KRT6A: variants seen among roughly 807,000 people sequenced by gnomAD.
The protein encoded by KRT6A is keratin 6A.
KRT6A carries 28 observed loss-of-function variants against 48.6 expected under a neutral mutation model. The ratio of observed to expected loss-of-function variants is 0.58; its 90% confidence interval spans 0.43 to 0.79. The LOEUF (loss-of-function observed/expected upper bound fraction) is 0.79. Among genes scored for constraint, KRT6A ranks in the 30% least tolerant of loss-of-function variants. KRT6A has a pLI of 0.00. For missense variants in KRT6A, 687 were observed against 724.3 expected, an observed-to-expected ratio of 0.95 and a Z score of 0.59; for synonymous variants, 301 against 294.2, an observed-to-expected ratio of 1.02 and a Z score of -0.24.
rs1938282360 is a variant in KRT6A, at chr12:52,492,290, AT to A, written c.540+358del. On this transcript the variant is annotated intron_variant, in intron 1 of 8. Transcript: ENST00000330722. ...AAATATCCTTTCTTTTGTTTCCAAT[AT>A]TTTTTCCTCTTATCCAGACCCCAGA... Among the ~76,000 whole-genome samples the A allele has an allele frequency of 2.0e-5, 3 of 151,384 alleles. No individual in the cohort carries two copies. In the South Asian group the frequency reaches 6.3e-4, roughly 32 times the overall value.
At position 52,488,611 on chromosome 12, in the gene KRT6A, C is replaced by T. The variant is rs1938195722; in HGVS notation, c.1204-63G>A. 6.7e-6 allele frequency: 10 copies of T among 1,493,872 alleles called. No individual in the cohort carries two copies. The African/African-American group carries it at 6.8e-5, about 10-fold the overall frequency. The allele number at this position is 1,493,872 out of a possible 1,614,324, so 92.5% of individuals were successfully genotyped here. On this transcript the variant is annotated intron_variant, in intron 6 of 8. Coordinates refer to ENST00000330722, the MANE Select transcript of KRT6A (RefSeq NM_005554.4). The stretch of plus-strand genomic sequence containing the variant: ...GTCTTCCAGAGGAGACTAAACCTGG[C>T]TGGTTATTTCCTAGTGAAGGGGCCA...
chr12:52,487,840 A>T lies in KRT6A; in HGVS notation c.1575T>A (p.Gly525=). The T allele has an allele frequency of 6.2e-7, 1 of 1,613,980 alleles. No individual in the cohort carries two copies. Among genetic ancestry groups the T allele is most frequent in the South Asian group, 1.1e-5 (1 of 91,068 alleles). The stretch of plus-strand genomic sequence containing the variant: ...CTCTGCCACTGCTGGAACTGAAGCC[A>T]CCTCCAACGCCAAGACCACTGCCAT... The part of the protein sequence containing the change: ...YSYGSGLGVG[G]GFSSSSGRAI... The change falls in exon 9 of 9, where the codon GGT becomes GGA. Residue 525 remains glycine (G), a synonymous_variant. Coordinates refer to ENST00000330722, the MANE Select transcript of KRT6A (RefSeq NM_005554.4).
chr12:52,492,509 C>T, intron 1 of KRT6A, 140 bp downstream of exon 1: 1 of 1,469,840 alleles, frequency 6.8e-7, no homozygotes, highest in Non-Finnish European at 9.5e-7. Flanking sequence ...GCTTGCTGGG[C>T]ACCAGCAGCC....
At chr12:52,490,161 GA>G (rs1384349759) in intron 5 of KRT6A, 93 bp from the exon 6 acceptor site, 1 of 1,609,912 alleles carries the variant, frequency 6.2e-7, no homozygotes, top group Non-Finnish European at 8.5e-7. Flanking sequence ...TCATGAAGTG[GA>G]CCTAAAGGCT....
chr12:52,488,257 A>G, intron 7 of KRT6A, 71 bp downstream of exon 7: 1 of 1,613,410 alleles, frequency 6.2e-7, no homozygotes, highest in Non-Finnish European at 8.5e-7. Flanking sequence ...AGTGCACCTT[A>G]AAGTTGTGCT....
rs1358237370 is a variant in KRT6A at position 52,487,961 on chromosome 12, A to G, written c.1460-6T>C. 49 of 1,614,090 alleles carry G rather than the reference A, an allele frequency of 3.0e-5. No homozygotes were observed. Among genetic ancestry groups the G allele is most frequent in the East Asian group, 6.7e-5 (3 of 44,870 alleles). ...GACGGTGGACTGCACCACAGCTGTG[A>G]TGGGGAGGGGACAAGGACACAAGAA... On this transcript the variant is annotated splice_polypyrimidine_tract_variant and splice_region_variant and intron_variant, in intron 8 of 8. Transcript: ENST00000330722.
At chr12:52,488,282 T>C in intron 7 of KRT6A, 46 bp downstream of exon 7, 2 of 1,614,102 alleles carry the variant, frequency 1.2e-6, no homozygotes, top group Non-Finnish European at 1.7e-6. Flanking sequence ...GCCAGGAACC[T>C]TGAAGATGGA....
At position 52,487,938 on chromosome 12, in the gene KRT6A, C is replaced by G; in HGVS notation, c.1477G>C (p.Val493Leu). The G allele has an allele frequency of 6.2e-7, 1 of 1,614,076 alleles. No individual in the cohort carries two copies. The highest frequency in any genetic ancestry group is 1.3e-5 in the African/African-American group (1 of 75,052). The change falls in exon 9 of 9, where the codon GTC becomes CTC. Residue 493 changes from valine (V) to leucine (L), a missense_variant. By Grantham distance (32) the Val-to-Leu change is conservative. Around this residue, in one of 3 missense-constraint regions of KRT6A, gnomAD observed 566 missense variants for 565.3 expected, o/e 1.00. Coordinates refer to ENST00000330722, the MANE Select transcript of KRT6A (RefSeq NM_005554.4). ...CTGGCACCGCCATAGCCACTGGAGA[C>G]GGTGGACTGCACCACAGCTGTGATG... ...QVNISVVQST[V>L]SSGYGGASGV...
Position 52,493,146 on chromosome 12 carries a change from G to A in KRT6A, c.43C>T (p.Arg15Cys), listed in dbSNP as rs543383074. ...GCTGAGTTGGCACTGAAACCCCGGC[G>A]GCTGCTGCTGTGGCTCCTGATGGTG... ...STTIRSHSSS[R>C]RGFSANSARL... The change falls in exon 1 of 9, where the codon CGC becomes TGC. Residue 15 changes from arginine (R) to cysteine (C), a missense_variant. By Grantham distance (180) the Arg-to-Cys change is radical. Around this residue, in one of 3 missense-constraint regions of KRT6A, gnomAD observed 72 missense variants for 61.8 expected, o/e 1.17. Coordinates refer to ENST00000330722, the MANE Select transcript of KRT6A (RefSeq NM_005554.4). 64 of 1,614,150 alleles carry A rather than the reference G, an allele frequency of 4.0e-5. 1 individual carries two copies. In the South Asian group the frequency reaches 4.2e-4, roughly 11 times the overall value.
intron 2 of KRT6A, 145 bp downstream of exon 2, chr12:52,491,377 A>C: frequency 7.4e-7 from 1 of 1,351,554 alleles, no homozygotes; most frequent in Non-Finnish European, 1.0e-6. Context: ...TGGTTCTTGC[A>C]GGTTTGCTCC....
chr12:52,490,037 T>C lies in KRT6A; in HGVS notation c.1109A>G (p.His370Arg), dbSNP rs750446404. The C allele has an allele frequency of 6.2e-7, 1 of 1,614,080 alleles. No individual in the cohort carries two copies. Among genetic ancestry groups the C allele is most frequent in the Non-Finnish European group, 8.5e-7 (1 of 1,180,016 alleles). ...CTTGGTGTTGCGCAGGTCGTCCCCA[T>C]GTCTGCCTGCTGTGACCTGCAGCTC... ...YEELQVTAGR[H>R]GDDLRNTKQE... Residue 370 changes from histidine (H) to arginine (R), a missense_variant, in exon 6 of 9, where the codon CAT becomes CGT. Transcript: ENST00000330722.
Position 52,490,906 on chromosome 12 carries a change from T to C in KRT6A, c.864A>G (p.Ala288=). ...YMNKVELQAK[A]DTLTDEINFL... ...AGTTGATCTCGTCTGTGAGAGTGTC[T>C]GCCTTGGCTTGCAGTTCAACCTTGT... The change falls in exon 4 of 9, where the codon GCA becomes GCG. Residue 288 remains alanine, a synonymous_variant. Coordinates refer to ENST00000330722, the MANE Select transcript of KRT6A (RefSeq NM_005554.4). The C allele has an allele frequency of 6.2e-7, 1 of 1,614,042 alleles. No homozygotes were observed. Among genetic ancestry groups the C allele is most frequent in the South Asian group, 1.1e-5 (1 of 91,078 alleles).
chr12:52,489,851 A>C, intron 6 of KRT6A, 92 bp downstream of exon 6: 3 of 1,602,382 alleles, frequency 1.9e-6, no homozygotes, highest in Non-Finnish European at 2.6e-6. Flanking sequence ...GGTTTTGATA[A>C]GTTCCAGGGG....
At chr12:52,489,744 G>T (rs1338105899) in intron 6 of KRT6A, among the ~76,000 whole-genome samples, 199 bp downstream of exon 6, 3 of 152,174 alleles carry the variant, frequency 2.0e-5, no homozygotes, top group East Asian at 3.9e-4. Flanking sequence ...CATCGTGACT[G>T]GTTCTCTCAT....
chr12:52,488,626 T>A (rs74200276), intron 6 of KRT6A, 78 bp from the exon 7 acceptor site: 22 of 1,574,992 alleles, frequency 1.4e-5, no homozygotes, highest in Admixed American at 1.7e-5. Context: ...TATTTCCTAG[T>A]GAAGGGGCCA....
Position 52,490,850 on chromosome 12 carries a change from A to G in KRT6A, c.912+8T>C. ...CAGAGTAAACAGAAGGATGGTGGAG[A>G]TGCTTACTGCATCATACAAGGCTCT... is the stretch of plus-strand genomic sequence containing the variant. On this transcript the variant is annotated splice_region_variant and intron_variant, in intron 4 of 8. Transcript: ENST00000330722. 6.2e-7 allele frequency: 1 copy of G among 1,614,020 alleles called. No individual in the cohort carries two copies. Among genetic ancestry groups the G allele is most frequent in the Non-Finnish European group, 8.5e-7 (1 of 1,179,922 alleles).
At position 52,491,449 on chromosome 12, in the gene KRT6A, C is replaced by G. The variant is rs532741286; in HGVS notation, c.755+73G>C. The G allele has an allele frequency of 8.3e-6, 13 of 1,571,890 alleles. No homozygotes were observed. The South Asian group carries it at 1.4e-4, about 17-fold the overall frequency. ...GGGTTGTTAGGAATATTACCCCCTT[C>G]TGGCCCTGGTCACCCAATAGTCTTG... On this transcript the variant is annotated intron_variant, in intron 2 of 8. Coordinates refer to ENST00000330722, the MANE Select transcript of KRT6A (RefSeq NM_005554.4).
At chr12:52,488,170 A>T (rs1938183277) in intron 7 of KRT6A, 67 bp from the exon 8 acceptor site, 1 of 1,613,854 alleles carries the variant, frequency 6.2e-7, no homozygotes, top group South Asian at 1.1e-5. Context: ...CAGCGTGGGC[A>T]GCCTCGGTGG....
Position 52,491,115 on chromosome 12 carries a change from C to T in KRT6A, c.813G>A (p.Lys271=). The change falls in exon 3 of 9, where the codon AAG becomes AAA. Residue 271 remains lysine, a synonymous_variant. Transcript: ENST00000330722. ...ACCCCCGGCTTCATCTGCTCACCTTCTTCAGAGTCACAAATTCATTCTCTG... is the reference window on the plus strand; with the variant it reads ...ACCCCCGGCTTCATCTGCTCACCTTTTTCAGAGTCACAAATTCATTCTCTG... ...TAAENEFVTL[K]KDVDAAYMNK... 6.2e-7 allele frequency: 1 copy of T among 1,613,992 alleles called. No homozygotes were observed. The highest frequency in any genetic ancestry group is 8.5e-7 in the Non-Finnish European group (1 of 1,179,870).
Sources: allele counts gnomAD v4.1 joint callset (sites outside exome capture counted in the v4.1 genomes callset), GRCh38; gene constraint gnomAD v4.1.1; regional missense constraint gnomAD v4.1.1; transcripts MANE v1.5; gene names NCBI Gene and HGNC (gene_info 2026-07-23, HGNC 2026-07-21).